The following PPP1R12B variants were observed in gnomAD, a reference collection of about 807,000 sequenced individuals.
The protein encoded by PPP1R12B is protein phosphatase 1 regulatory subunit 12B, also known as myosin phosphatase target subunit 2.
PPP1R12B carries 76 observed loss-of-function variants against 126.1 expected under a neutral mutation model. The ratio of observed to expected loss-of-function variants is 0.60; its 90% confidence interval spans 0.50 to 0.73. The LOEUF is 0.73. Ranked by LOEUF, PPP1R12B falls within the 30% of genes least tolerant of loss-of-function variation. The pLI, the probability that PPP1R12B is intolerant of heterozygous loss-of-function variation, is 0.00. For missense variants in PPP1R12B, 1,052 were observed against 1,205.1 expected (o/e 0.87, Z 1.88); for synonymous variants, 356 against 434.7 (o/e 0.82, Z 2.25).
intron 21 of PPP1R12B, among the ~76,000 whole-genome samples, chr1:202,566,037 T>C (rs1174627467): frequency 6.6e-6 from 1 of 152,216 alleles, no homozygotes; most frequent in African/African-American, 2.4e-5. Context: ...TTACTAGGAT[T>C]GTTTTACAGA....
At chr1:202,569,615 C>A (rs542591042) in intron 23 of PPP1R12B, among the ~76,000 whole-genome samples, 1 of 152,218 alleles carries the variant, frequency 6.6e-6, no homozygotes, top group South Asian at 2.1e-4. Context: ...TCCCTGGTGC[C>A]CCTCCCAACC....
At chr1:202,455,409 T>C (rs1182655470) in intron 13 of PPP1R12B, among the ~76,000 whole-genome samples, 2 of 152,286 alleles carry the variant, frequency 1.3e-5, no homozygotes, top group East Asian at 3.9e-4. Flanking sequence ...CAACCACTGA[T>C]CTACTTTTTG....
rs1388801759 is a variant in PPP1R12B, at chr1:202,587,972, T to G, written c.*7412T>G. The G allele has an allele frequency of 6.6e-6, 1 of 152,200 alleles. No homozygotes were observed. Among genetic ancestry groups the G allele is most frequent in the Non-Finnish European group, 1.5e-5 (1 of 68,030 alleles). The allele number at this position is 152,200 out of a possible 1,614,324, so 9.4% of individuals were successfully genotyped here. A position where few individuals can be genotyped will look rare whatever the true frequency, so the allele number is the denominator to read the frequency against. On this transcript the variant is annotated 3_prime_UTR_variant, in exon 24 of 24. Transcript: ENST00000608999. The stretch of plus-strand genomic sequence containing the variant: ...AGCATCCCTTGAACTTTTGAAAGGT[T>G]GTGCCTACCACTGGCTGGCACACCA...
chr1:202,381,254 C>A (rs1383986773), intron 1 of PPP1R12B, among the ~76,000 whole-genome samples: 3 of 151,828 alleles, frequency 2.0e-5, no homozygotes, highest in African/African-American at 7.3e-5. Flanking sequence ...GGCAAGAGTC[C>A]CTAGTGATTA....
At chr1:202,426,090 G>A (rs1669463547) in intron 4 of PPP1R12B, among the ~76,000 whole-genome samples, 1 of 152,152 alleles carries the variant, frequency 6.6e-6, no homozygotes, top group Non-Finnish European at 1.5e-5. Context: ...TTTCTTTTGT[G>A]TCATTAGATT....
intron 1 of PPP1R12B, among the ~76,000 whole-genome samples, chr1:202,363,156 T>C (rs1470948551): frequency 1.3e-5 from 2 of 152,298 alleles, no homozygotes; most frequent in East Asian, 3.9e-4. Context: ...CTTTAAACAG[T>C]CAAATGATCT....
intron 9 of PPP1R12B, among the ~76,000 whole-genome samples, chr1:202,437,329 T>G (rs1670961010): frequency 6.6e-6 from 1 of 151,806 alleles, no homozygotes; most frequent in Non-Finnish European, 1.5e-5. Flanking sequence ...GAGACCCTAC[T>G]TCAAAAAAAT....
chr1:202,351,238 TG>T (rs1655927689), intron 1 of PPP1R12B, among the ~76,000 whole-genome samples: 1 of 148,852 alleles, frequency 6.7e-6, no homozygotes, highest in Non-Finnish European at 1.5e-5. Context: ...TTGTTGTTGT[TG>T]TTTAAAAAAA....
At chr1:202,499,494 G>T (rs1411067363) in intron 18 of PPP1R12B, among the ~76,000 whole-genome samples, 2 of 152,116 alleles carry the variant, frequency 1.3e-5, no homozygotes, top group African/African-American at 4.8e-5. Context: ...GGCTCAAACA[G>T]TCCTCCTGCC....
chr1:202,412,248 T>A (rs1474307081), intron 1 of PPP1R12B, among the ~76,000 whole-genome samples: 1 of 152,164 alleles, frequency 6.6e-6, no homozygotes, highest in Admixed American at 6.5e-5. Flanking sequence ...CAAGAGTTAA[T>A]GACCAGCCCT....
chr1:202,462,405 C>G (rs1674426870), intron 13 of PPP1R12B, among the ~76,000 whole-genome samples: 1 of 152,170 alleles, frequency 6.6e-6, no homozygotes, highest in Admixed American at 6.5e-5. Flanking sequence ...TCTCAGCCCA[C>G]CACTTAACAG....
intron 23 of PPP1R12B, among the ~76,000 whole-genome samples, chr1:202,572,338 T>C (rs544014534): frequency 2.6e-5 from 4 of 152,170 alleles, no homozygotes; most frequent in Non-Finnish European, 4.4e-5. Context: ...CTTAAAAATA[T>C]AGTAGGTTAC....
intron 18 of PPP1R12B, among the ~76,000 whole-genome samples, chr1:202,521,983 G>A (rs1682835006): frequency 6.6e-6 from 1 of 152,142 alleles, no homozygotes; most frequent in African/African-American, 2.4e-5. Flanking sequence ...TCTGAATAAT[G>A]GAATGGTAGT....
chr1:202,584,675 A>C lies in PPP1R12B; in HGVS notation c.*4115A>C, dbSNP rs776396050. 18 of 152,238 alleles carry C rather than the reference A, an allele frequency of 1.2e-4. No individual in the cohort carries two copies. The highest frequency in any genetic ancestry group is 1.8e-4 in the Non-Finnish European group (12 of 68,042). 9.4% of individuals were successfully genotyped at this position (152,238 alleles called of 1,614,324 possible). On this transcript the variant is annotated 3_prime_UTR_variant, in exon 24 of 24. Transcript: ENST00000608999. The stretch of plus-strand genomic sequence containing the variant: ...GAGGTGGGCATGGAGTGAGCAGAAG[A>C]AGCCTGGAGAAGAGAGAACTATTTA...
chr1:202,449,848 G>A (rs751179855), intron 13 of PPP1R12B, among the ~76,000 whole-genome samples: 1 of 151,198 alleles, frequency 6.6e-6, no homozygotes, highest in African/African-American at 2.4e-5. Context: ...CACCATGCCC[G>A]GCTAATCTTT....
chr1:202,378,195 C>T (rs1661568263), intron 1 of PPP1R12B, among the ~76,000 whole-genome samples: 1 of 148,846 alleles, frequency 6.7e-6, no homozygotes, highest in Admixed American at 6.7e-5. Flanking sequence ...ATTAAGCATC[C>T]GTTCTGTGCT....
chr1:202,415,749 C>T (rs142801565), intron 1 of PPP1R12B, among the ~76,000 whole-genome samples: 113 of 152,312 alleles, frequency 7.4e-4, no homozygotes, highest in Middle Eastern at 6.8e-3. Context: ...GACTCCCTAA[C>T]CATCCATAAC....
chr1:202,475,508 C>T (rs1261354919), intron 13 of PPP1R12B, among the ~76,000 whole-genome samples: 1 of 152,128 alleles, frequency 6.6e-6, no homozygotes, highest in Non-Finnish European at 1.5e-5. Flanking sequence ...CTACATAAAT[C>T]TACATAGCTA....
chr1:202,493,274 C>G lies in PPP1R12B; in HGVS notation c.2102C>G (p.Ala701Gly). 1 of 1,612,734 alleles carries G rather than the reference C, an allele frequency of 6.2e-7. No individual in the cohort carries two copies. The highest frequency in any genetic ancestry group is 8.5e-7 in the Non-Finnish European group (1 of 1,179,828). The change falls in exon 15 of 24, where the codon GCT becomes GGT. Residue 701 changes from alanine (A) to glycine (G), a missense_variant. Coordinates refer to ENST00000608999, the MANE Select transcript of PPP1R12B (RefSeq NM_002481.4). ...CCCTCAGCAGTTCCAGCAACAGAAG[C>G]TGGGGAGGGCCAGCAGCCCTGGGGC... ...HEPSAVPATE[A>G]GEGQQPWGRS...
Sources: gnomAD v4.1 joint callset for allele counts (sites outside exome capture counted in the v4.1 genomes callset) on GRCh38, gnomAD v4.1.1 for gene constraint, MANE v1.5 for transcripts, NCBI Gene and HGNC (gene_info 2026-07-23, HGNC 2026-07-21) for gene names.